Variants in PPEF1 observed in about 807,000 individuals in gnomAD.
PPEF1 encodes the protein protein phosphatase with EF-hand domain 1.
Under a neutral mutation model 53.3 loss-of-function variants are expected in PPEF1, and 12 were observed. The observed-to-expected ratio is 0.23, with a 90% confidence interval of 0.14 to 0.36. PPEF1 has a LOEUF of 0.36. Ranked by LOEUF, PPEF1 falls within the 10% of genes least tolerant of loss-of-function variation. The pLI is 1.00. For synonymous variants in PPEF1, 165 were observed against 176.7 expected, an observed-to-expected ratio of 0.93 and a Z score of 0.52; for missense variants, 334 against 490.4, an observed-to-expected ratio of 0.68 and a Z score of 3.01.
At chrX:18,759,390 T>C in intron 5 of PPEF1, among the ~76,000 whole-genome samples, 1 of 111,801 alleles carries the variant, frequency 8.9e-6, no homozygotes, top group Non-Finnish European at 1.9e-5. Context: ...GATGAAAATT[T>C]GCTATTATTT....
chrX:18,763,160 G>T (rs764509556), intron 6 of PPEF1, among the ~76,000 whole-genome samples: 1 of 111,548 alleles, frequency 9.0e-6, no homozygotes, highest in South Asian at 3.8e-4. Context: ...TTCCTCTGGA[G>T]CCTCAGTAAA....
intron 13 of PPEF1, among the ~76,000 whole-genome samples, chrX:18,822,547 C>T (rs971121242): frequency 3.7e-5 from 4 of 107,082 alleles, no homozygotes; most frequent in African/African-American, 1.4e-4. Context: ...CTTGCTCTGT[C>T]GCCCAGGCTG....
At chrX:18,699,861 C>T (rs1363064909) in intron 5 of PPEF1, among the ~76,000 whole-genome samples, 1 of 112,513 alleles carries the variant, frequency 8.9e-6, no homozygotes, top group Non-Finnish European at 1.9e-5. Flanking sequence ...GTTAATGTAA[C>T]GTTTTCTAAA....
intron 1 of PPEF1, among the ~76,000 whole-genome samples, chrX:18,718,165 T>A (rs1055553234): frequency 8.9e-6 from 1 of 112,151 alleles, no homozygotes; most frequent in African/African-American, 3.2e-5. Flanking sequence ...ATTAAATACA[T>A]CTTCATCTTT....
chrX:18,751,254 T>C (rs1327905318), intron 4 of PPEF1, among the ~76,000 whole-genome samples: 1 of 112,258 alleles, frequency 8.9e-6, no homozygotes, highest in African/African-American at 3.2e-5. Context: ...TGGTGTCATA[T>C]CTAAGAATCC....
chrX:18,730,194 G>A lies in PPEF1; in HGVS notation c.60G>A (p.Ala20=), dbSNP rs756256257. The A allele has an allele frequency of 1.7e-5, 20 of 1,207,443 alleles. No homozygotes were observed. Among genetic ancestry groups the A allele is most frequent in the Middle Eastern group, 2.3e-4 (1 of 4,370 alleles). Residue 20 remains alanine (A), a synonymous_variant, in exon 2 of 16, where the codon GCG becomes GCA. Transcript: ENST00000470157. ...GTGGGTCTGCAGCACTGAGAGCTGC[G>A]TTGATCATCCAGAACTGGTACCGAG... The part of the protein sequence containing the change: ...TRRSDTSLRA[A]LIIQNWYRGY...
upstream of PPEF1, among the ~76,000 whole-genome samples, chrX:18,703,013 C>T (rs1042620626): frequency 6.3e-5 from 7 of 111,047 alleles, no homozygotes; most frequent in African/African-American, 2.3e-4. Flanking sequence ...CTTCAATGCA[C>T]TTAAACGCTA....
At chrX:18,692,368 A>G (rs182893931) in intron 4 of PPEF1, among the ~76,000 whole-genome samples, 51 of 112,294 alleles carry the variant, frequency 4.5e-4, no homozygotes, top group Admixed American at 1.3e-3. Flanking sequence ...AACCATGTCT[A>G]TCTTGTCCAC....
upstream of PPEF1, among the ~76,000 whole-genome samples, chrX:18,682,228 G>C (rs1173545933): frequency 2.7e-5 from 3 of 112,281 alleles, no homozygotes. Context: ...GACCACTGCT[G>C]TCTCTGGAAA....
intron 3 of PPEF1, among the ~76,000 whole-genome samples, chrX:18,745,116 TTATA>T (rs1333297869): frequency 1.2e-4 from 11 of 95,234 alleles, no homozygotes; most frequent in Non-Finnish European, 2.2e-4. Context: ...TATAATTATA[TTATA>T]TATATTATAT....
chrX:18,813,376 C>T (rs2046845774), intron 12 of PPEF1, among the ~76,000 whole-genome samples: 1 of 77,121 alleles, frequency 1.3e-5, no homozygotes, highest in African/African-American at 5.7e-5. Context: ...AAGACTCCGT[C>T]TCAAAAAAAA....
At chrX:18,800,124 T>C (rs1406516357) in intron 10 of PPEF1, among the ~76,000 whole-genome samples, 1 of 111,391 alleles carries the variant, frequency 9.0e-6, no homozygotes, top group Non-Finnish European at 1.9e-5. Flanking sequence ...AAGTCCTGAA[T>C]ATGTTAAGTG....
At chrX:18,710,281 T>C (rs1344344908) in intron 1 of PPEF1, among the ~76,000 whole-genome samples, 1 of 112,097 alleles carries the variant, frequency 8.9e-6, no homozygotes, top group Admixed American at 9.5e-5. Flanking sequence ...TTGCAAATAT[T>C]TTCTCTCATT....
At chrX:18,825,254 G>A (rs1273071851) in intron 14 of PPEF1, among the ~76,000 whole-genome samples, 2 of 111,120 alleles carry the variant, frequency 1.8e-5, no homozygotes, top group African/African-American at 6.5e-5. Flanking sequence ...AGAGAGAAGG[G>A]AAGTAAAGGT....
At chrX:18,818,286 C>G (rs1602488354) in intron 13 of PPEF1, 141 bp downstream of exon 13, 1 of 376,242 alleles carries the variant, frequency 2.7e-6, no homozygotes, top group Non-Finnish European at 4.5e-6. Flanking sequence ...AAAATATAAT[C>G]CATTATTTGC....
At chrX:18,683,161 A>G (rs1018775638) in intron 1 of PPEF1, among the ~76,000 whole-genome samples, 1 of 111,546 alleles carries the variant, frequency 9.0e-6, no homozygotes, top group African/African-American at 3.3e-5. Flanking sequence ...TGTGGGAGCT[A>G]CAATTCAAGA....
intron 1 of PPEF1, 73 bp downstream of exon 1, chrX:18,707,899 T>C: frequency 1.0e-6 from 1 of 962,324 alleles, no homozygotes; most frequent in Non-Finnish European, 1.5e-6. Flanking sequence ...TCTTCTCCTT[T>C]CTCATTTACT....
At chrX:18,751,793 A>G (rs1462360828) in intron 4 of PPEF1, among the ~76,000 whole-genome samples, 1 of 111,969 alleles carries the variant, frequency 8.9e-6, no homozygotes, top group Non-Finnish European at 1.9e-5. Flanking sequence ...AAAACAAACA[A>G]ATAAAAATCT....
intron 10 of PPEF1, among the ~76,000 whole-genome samples, chrX:18,798,163 A>C (rs151293065): frequency 0.045 from 4,907 of 109,956 alleles, 272 homozygotes; most frequent in African/African-American, 0.15. Flanking sequence ...CTCATTGCAA[A>C]CCTGACCACC....
Sources: allele counts gnomAD v4.1 joint callset (sites outside exome capture counted in the v4.1 genomes callset), GRCh38; gene constraint gnomAD v4.1.1; transcripts MANE v1.5; gene names NCBI Gene and HGNC (gene_info 2026-07-23, HGNC 2026-07-21).